UACA: variants seen among roughly 807,000 people sequenced by gnomAD.
The protein encoded by UACA is uveal autoantigen with coiled-coil domains and ankyrin repeats, also known as nuclear membrane binding protein.
In UACA, 112 loss-of-function variants were observed where a neutral mutation model predicts 160.5. That is an observed-to-expected ratio of 0.70 (90% confidence interval 0.60 to 0.82). UACA has a LOEUF of 0.82. UACA is among the 40% of genes least tolerant of loss of function. UACA has a pLI of 0.00. For synonymous variants in UACA, 557 were observed against 568.4 expected, an observed-to-expected ratio of 0.98 and a Z score of 0.29; for missense variants, 1,574 against 1,614.6, an observed-to-expected ratio of 0.97 and a Z score of 0.43.
intron 1 of UACA, among the ~76,000 whole-genome samples, chr15:70,700,186 C>A (rs983262439): frequency 6.6e-6 from 1 of 151,664 alleles, no homozygotes; most frequent in African/African-American, 2.4e-5. Context: ...GGTTACATAG[C>A]TCCTAGGACT....
chr15:70,687,493 T>C (rs117280349), intron 7 of UACA, 47 bp downstream of exon 7: 49,791 of 1,583,644 alleles, frequency 0.031, 959 homozygotes, highest in Middle Eastern at 0.043. Flanking sequence ...GGCCTTTCCA[T>C]CCCTGTGTAT....
At chr15:70,759,068 T>C (rs2030592094) in intron 1 of UACA, among the ~76,000 whole-genome samples, 1 of 152,092 alleles carries the variant, frequency 6.6e-6, no homozygotes, top group South Asian at 2.1e-4. Context: ...GGAGATAGGA[T>C]TTCACCACGT....
intron 18 of UACA, among the ~76,000 whole-genome samples, chr15:70,658,524 G>T (rs955553070): frequency 4.6e-5 from 7 of 152,072 alleles, no homozygotes; most frequent in African/African-American, 1.4e-4. Flanking sequence ...AGTCCCACAG[G>T]TGAAAAATGG....
intron 1 of UACA, among the ~76,000 whole-genome samples, chr15:70,721,142 A>C (rs1034031825): frequency 6.6e-6 from 1 of 152,250 alleles, no homozygotes; most frequent in Admixed American, 6.5e-5. Context: ...GGCGTTACAT[A>C]CAAGTATAAT....
chr15:70,669,171 T>A lies in UACA; in HGVS notation c.1513A>T (p.Arg505Trp). 1 of 1,614,082 alleles carries A rather than the reference T, an allele frequency of 6.2e-7. No homozygotes were observed. The highest frequency in any genetic ancestry group is 8.5e-7 in the Non-Finnish European group (1 of 1,180,002). The change falls in exon 16 of 19, where the codon AGG becomes TGG. Residue 505 changes from arginine to tryptophan, a missense_variant. Coordinates refer to ENST00000322954, the MANE Select transcript of UACA (RefSeq NM_018003.4). ...LEDALKDVQK[R>W]MYESEGKVKQ... ...ACTTTACCTTCTGACTCATACATCCTCTTCTGCACATCTTTTAATGCATCT... is the reference window on the plus strand; with the variant it reads ...ACTTTACCTTCTGACTCATACATCCACTTCTGCACATCTTTTAATGCATCT...
the UACA span, among the ~76,000 whole-genome samples, chr15:70,777,170 C>A: frequency 6.6e-6 from 1 of 152,140 alleles, no homozygotes; most frequent in Non-Finnish European, 1.5e-5. Flanking sequence ...GTCAATTATG[C>A]ATCTGAGCGC....
chr15:70,777,588 T>C, the UACA span, among the ~76,000 whole-genome samples: 1 of 152,172 alleles, frequency 6.6e-6, no homozygotes, highest in Non-Finnish European at 1.5e-5. Context: ...AAGTAAAGTA[T>C]ATCAAGGAAG....
chr15:70,724,460 AT>A (rs903401739), intron 1 of UACA, among the ~76,000 whole-genome samples: 1 of 151,916 alleles, frequency 6.6e-6, no homozygotes, highest in African/African-American at 2.4e-5. Context: ...CTCAGTTTTA[AT>A]TTTTTTTCAA....
chr15:70,676,490 T>C lies in UACA; in HGVS notation c.1131+3A>G. ...TACAGGAAATAATTTATCCTTTCTATACCTCAAAATATTTAAATCTATTTT... is the reference window on the plus strand; with the variant it reads ...TACAGGAAATAATTTATCCTTTCTACACCTCAAAATATTTAAATCTATTTT... On this transcript the variant is annotated splice_donor_region_variant and intron_variant, in intron 13 of 18. Transcript: ENST00000322954. 1 of 1,589,224 alleles carries C rather than the reference T, an allele frequency of 6.3e-7. No homozygotes were observed. Among genetic ancestry groups the C allele is most frequent in the Non-Finnish European group, 8.6e-7 (1 of 1,159,866 alleles).
intron 5 of UACA, among the ~76,000 whole-genome samples, 200 bp from the exon 6 acceptor site, chr15:70,688,020 T>C (rs1897791910): frequency 6.6e-6 from 1 of 152,182 alleles, no homozygotes; most frequent in African/African-American, 2.4e-5. Flanking sequence ...CTACAATTTA[T>C]TAGGACCAAG....
rs769060788 is a variant in UACA, at chr15:70,691,309, T to G, written c.356A>C (p.Lys119Thr). 1 of 1,604,978 alleles carries G rather than the reference T, an allele frequency of 6.2e-7. No homozygotes were observed. Among genetic ancestry groups the G allele is most frequent in the South Asian group, 1.1e-5 (1 of 88,950 alleles). ...AKYGHALCLQ[K>T]LLQYNCPTEH... is the part of the protein sequence containing the mutation. ...AACCACTTCCACTACCTGTAGAAGT[T>G]TTTGTAGGCACAATGCATGTCCATA... is the stretch of plus-strand genomic sequence containing the variant. Residue 119 changes from lysine (K) to threonine (T), a missense_variant, in exon 4 of 19, where the codon AAA (lysine) becomes ACA (threonine). Lys to Thr is a moderately conservative substitution (Grantham distance 78). Coordinates refer to ENST00000322954, the MANE Select transcript of UACA (RefSeq NM_018003.4).
chr15:70,764,415 G>C (rs577571879), upstream of UACA, among the ~76,000 whole-genome samples: 34 of 152,282 alleles, frequency 2.2e-4, no homozygotes, highest in Non-Finnish European at 3.7e-4. Flanking sequence ...AGAGGATGAA[G>C]AAACAGGAAG....
intron 12 of UACA, 33 bp from the exon 13 acceptor site, chr15:70,676,624 AC>A (rs1275100218): frequency 1.3e-6 from 2 of 1,550,344 alleles, no homozygotes; most frequent in South Asian, 2.2e-5. Context: ...CAGTAAAATC[AC>A]CCTGTGCTTG....
At chr15:70,711,303 A>T (rs1898674286) in intron 1 of UACA, among the ~76,000 whole-genome samples, 1 of 152,156 alleles carries the variant, frequency 6.6e-6, no homozygotes, top group East Asian at 1.9e-4. Flanking sequence ...AAAAATGTGT[A>T]TTTTACATAA....
At chr15:70,755,051 CA>C (rs1567001833) in intron 1 of UACA, among the ~76,000 whole-genome samples, 1 of 152,080 alleles carries the variant, frequency 6.6e-6, no homozygotes, top group African/African-American at 2.4e-5. Flanking sequence ...CTTTAGGTGG[CA>C]GGACAAACAT....
intron 7 of UACA, among the ~76,000 whole-genome samples, chr15:70,684,720 A>G (rs1000966100): frequency 6.6e-6 from 1 of 151,958 alleles, no homozygotes. Flanking sequence ...AGTGTTCAAC[A>G]CTACTTGAAC....
chr15:70,663,414 C>G (rs1896789421), intron 17 of UACA, among the ~76,000 whole-genome samples: 1 of 152,148 alleles, frequency 6.6e-6, no homozygotes, highest in South Asian at 2.1e-4. Context: ...GTTGGTGGGA[C>G]TGTAAACTAG....
intron 4 of UACA, among the ~76,000 whole-genome samples, chr15:70,690,950 T>A (rs1897913377): frequency 6.6e-6 from 1 of 152,180 alleles, no homozygotes; most frequent in South Asian, 2.1e-4. Flanking sequence ...GTAATAATAT[T>A]ATGTAGTATA....
At chr15:70,769,083 G>A in the UACA span, among the ~76,000 whole-genome samples, 1 of 152,162 alleles carries the variant, frequency 6.6e-6, no homozygotes, top group African/African-American at 2.4e-5. Flanking sequence ...TTCGGGCCCG[G>A]CGCGGTGGCT....
Sources: gnomAD v4.1 joint callset for allele counts (sites outside exome capture counted in the v4.1 genomes callset) on GRCh38, gnomAD v4.1.1 for gene constraint, MANE v1.5 for transcripts, NCBI Gene and HGNC (gene_info 2026-07-23, HGNC 2026-07-21) for gene names.